The following IRF2 variants were observed in gnomAD, a reference collection of about 807,000 sequenced individuals.
The protein encoded by IRF2 is interferon regulatory factor 2.
A neutral mutation model predicts 40.6 loss-of-function variants in IRF2; 15 were observed. That is an observed-to-expected ratio of 0.37 (90% CI 0.25 to 0.57). The LOEUF is 0.57. Among genes scored for constraint, IRF2 ranks in the 20% least tolerant of loss-of-function variants. The pLI is 0.77. For missense variants in IRF2, 317 were observed against 455.7 expected, an observed-to-expected ratio of 0.70 and a Z score of 2.77; for synonymous variants, 151 against 165.5, an observed-to-expected ratio of 0.91 and a Z score of 0.67.
At chr4:184,444,965 A>G (rs1738448066) in intron 1 of IRF2, among the ~76,000 whole-genome samples, 1 of 152,206 alleles carries the variant, frequency 6.6e-6, no homozygotes, top group Non-Finnish European at 1.5e-5. Flanking sequence ...GGTTTTAACC[A>G]TCAGGGCAAT....
chr4:184,398,192 T>C (rs1425503438), intron 7 of IRF2, among the ~76,000 whole-genome samples: 1 of 152,156 alleles, frequency 6.6e-6, no homozygotes, highest in Admixed American at 6.5e-5. Context: ...GCAAGCCCCT[T>C]CCCTTTCAGA....
chr4:184,433,576 CA>C (rs564955972), intron 1 of IRF2, among the ~76,000 whole-genome samples: 94 of 152,186 alleles, frequency 6.2e-4, no homozygotes, highest in African/African-American at 2.1e-3. Flanking sequence ...TTAGAAAAAG[CA>C]AAAAATCGAA....
At chr4:184,450,499 A>G (rs888705184) in intron 1 of IRF2, among the ~76,000 whole-genome samples, 1 of 152,238 alleles carries the variant, frequency 6.6e-6, no homozygotes, top group Non-Finnish European at 1.5e-5. Flanking sequence ...TGTAATGCAA[A>G]CTATTTCTGC....
At chr4:184,445,668 AG>A (rs1236975726) in intron 1 of IRF2, among the ~76,000 whole-genome samples, 98 of 127,170 alleles carry the variant, frequency 7.7e-4, no homozygotes, top group African/African-American at 2.2e-3. Context: ...AAAAAAAAAA[AG>A]AAGAAGAAGA....
intron 7 of IRF2, among the ~76,000 whole-genome samples, chr4:184,392,723 G>A (rs766300539): frequency 2.0e-5 from 3 of 152,198 alleles, no homozygotes; most frequent in Non-Finnish European, 2.9e-5. Context: ...CTGTGCCACA[G>A]GTGCATTCCT....
chr4:184,393,361 G>A (rs777704072), intron 7 of IRF2, among the ~76,000 whole-genome samples: 1 of 152,194 alleles, frequency 6.6e-6, no homozygotes, highest in Non-Finnish European at 1.5e-5. Flanking sequence ...TACGGGTTCA[G>A]ATGCTCTTCA....
chr4:184,432,757 C>T (rs1737933661), intron 1 of IRF2, among the ~76,000 whole-genome samples: 2 of 152,130 alleles, frequency 1.3e-5, no homozygotes, highest in Non-Finnish European at 2.9e-5. Flanking sequence ...AGGATGGGCA[C>T]GTGAAGCCAA....
intron 2 of IRF2, among the ~76,000 whole-genome samples, chr4:184,428,345 C>T (rs1300420959): frequency 2.7e-5 from 4 of 150,934 alleles, no homozygotes; most frequent in African/African-American, 9.7e-5. Context: ...CCAGGAGAAG[C>T]AAAAAAAAGG....
intron 1 of IRF2, among the ~76,000 whole-genome samples, chr4:184,447,805 T>C (rs1009107208): frequency 2.0e-5 from 3 of 152,202 alleles, no homozygotes; most frequent in Admixed American, 1.3e-4. Flanking sequence ...TTGTCAAAAG[T>C]GTCAAGTTCA....
At chr4:184,466,576 G>A (rs542426925) in intron 1 of IRF2, among the ~76,000 whole-genome samples, 9 of 152,254 alleles carry the variant, frequency 5.9e-5, no homozygotes, top group African/African-American at 1.2e-4. Context: ...AGATCAGTAC[G>A]GGGGGAGAAG....
intron 1 of IRF2, among the ~76,000 whole-genome samples, chr4:184,431,673 A>G (rs1297856269): frequency 6.6e-6 from 1 of 152,188 alleles, no homozygotes; most frequent in Non-Finnish European, 1.5e-5. Context: ...TCACGAGTAG[A>G]GAGCAACAGA....
intron 1 of IRF2, among the ~76,000 whole-genome samples, chr4:184,433,757 AT>A (rs374035696): frequency 1.6e-4 from 25 of 152,164 alleles, no homozygotes; most frequent in African/African-American, 5.8e-4. Flanking sequence ...TTGTGACTTG[AT>A]TTTTCTCCCC....
chr4:184,436,952 C>A (rs1738101416), intron 1 of IRF2, among the ~76,000 whole-genome samples: 1 of 152,170 alleles, frequency 6.6e-6, no homozygotes, highest in South Asian at 2.1e-4. Context: ...GTGGTGCAAT[C>A]CTAGCTCACT....
intron 1 of IRF2, among the ~76,000 whole-genome samples, chr4:184,441,813 G>C (rs140395372): frequency 6.6e-6 from 1 of 152,288 alleles, no homozygotes; most frequent in African/African-American, 2.4e-5. Context: ...TACTACTGTG[G>C]TCCCCATTTT....
intron 7 of IRF2, among the ~76,000 whole-genome samples, chr4:184,398,690 G>C (rs944203100): frequency 6.6e-6 from 1 of 151,760 alleles, no homozygotes; most frequent in African/African-American, 2.4e-5. Context: ...AATAAAAAAT[G>C]TCATGGCCAA....
At chr4:184,409,872 G>A (rs1737008442) in intron 5 of IRF2, among the ~76,000 whole-genome samples, 1 of 151,836 alleles carries the variant, frequency 6.6e-6, no homozygotes, top group Non-Finnish European at 1.5e-5. Flanking sequence ...ACTCCAGCCT[G>A]GGTGACAGAG....
At chr4:184,458,388 C>T (rs1264208179) in intron 1 of IRF2, among the ~76,000 whole-genome samples, 2 of 152,154 alleles carry the variant, frequency 1.3e-5, no homozygotes, top group African/African-American at 4.8e-5. Context: ...AAATTTTCAA[C>T]CTTACATCTT....
chr4:184,445,138 G>A (rs567560081), intron 1 of IRF2, among the ~76,000 whole-genome samples: 20 of 152,200 alleles, frequency 1.3e-4, no homozygotes, highest in Middle Eastern at 3.2e-3. Context: ...AGCATGCGCC[G>A]GGCTGACAAC....
chr4:184,387,730 T>G lies in IRF2; in HGVS notation c.*1028A>C, dbSNP rs763396744. On this transcript the variant is annotated 3_prime_UTR_variant, in exon 9 of 9. Transcript: ENST00000393593. The stretch of plus-strand genomic sequence containing the variant: ...GCCAGGAGTGATGCCCCTTAAAAAT[T>G]TAACTATATATCATATTCATTTATT... The G allele has an allele frequency of 6.6e-6, 1 of 152,586 alleles. No individual in the cohort carries two copies. Among genetic ancestry groups the G allele is most frequent in the Non-Finnish European group, 1.5e-5 (1 of 68,042 alleles). 9.5% of individuals were successfully genotyped at this position (152,586 alleles called of 1,614,324 possible).
Sources: gnomAD v4.1 joint callset for allele counts (sites outside exome capture counted in the v4.1 genomes callset) on GRCh38, gnomAD v4.1.1 for gene constraint, MANE v1.5 for transcripts, NCBI Gene and HGNC (gene_info 2026-07-23, HGNC 2026-07-21) for gene names.